RASGRP3: variants seen among roughly 807,000 people sequenced by gnomAD.
RASGRP3 encodes ras guanyl-releasing protein 3.
In RASGRP3, 54 loss-of-function variants were observed where a neutral mutation model predicts 82.7. That is an observed-to-expected ratio of 0.65 (90% CI 0.52 to 0.82). RASGRP3 has a LOEUF of 0.82. Ranked by LOEUF, RASGRP3 falls within the 40% of genes least tolerant of loss-of-function variation. The pLI, the probability that RASGRP3 is intolerant of heterozygous loss-of-function variation, is 0.00. For synonymous variants in RASGRP3, 309 were observed against 300.5 expected, an observed-to-expected ratio of 1.03 and a Z score of -0.29; for missense variants, 861 against 828.9, an observed-to-expected ratio of 1.04 and a Z score of -0.48.
Position 33,520,679 on chromosome 2 carries a change from C to T in RASGRP3, c.363C>T (p.Ser121=), listed in dbSNP as rs753044236. The change falls in exon 6 of 18, where the codon TCC becomes TCT. Residue 121 remains serine (S), a synonymous_variant. Coordinates refer to ENST00000403687, the MANE Select transcript of RASGRP3 (RefSeq NM_001139488.2). The part of the protein sequence containing the change: ...YEKHVSLIDI[S]SIPSYDWMRR... ...AACACGTCAGCCTCATCGACATATC[C>T]AGCATGTAAGAGTGGCACCGACGTC... The T allele has an allele frequency of 9.7e-5, 156 of 1,613,782 alleles. No individual in the cohort carries two copies. Among genetic ancestry groups the T allele is most frequent in the South Asian group, 2.0e-4 (18 of 91,070 alleles).
intron 7 of RASGRP3, among the ~76,000 whole-genome samples, chr2:33,523,534 C>T (rs1182021441): frequency 6.6e-6 from 1 of 151,754 alleles, no homozygotes; most frequent in Non-Finnish European, 1.5e-5. Context: ...AGAGTGTTCC[C>T]AGGAACCAGC....
intron 13 of RASGRP3, among the ~76,000 whole-genome samples, chr2:33,544,704 G>A (rs910152058): frequency 5.3e-5 from 8 of 152,106 alleles, no homozygotes; most frequent in East Asian, 1.9e-4. Context: ...CTTAAAAAAC[G>A]AAATCTGGAG....
intron 2 of RASGRP3, among the ~76,000 whole-genome samples, chr2:33,459,724 G>A (rs1379556104): frequency 6.6e-6 from 1 of 152,132 alleles, no homozygotes; most frequent in Non-Finnish European, 1.5e-5. Flanking sequence ...GGGTTGATCA[G>A]TATAAATGCA....
intron 10 of RASGRP3, among the ~76,000 whole-genome samples, chr2:33,527,650 T>G (rs1454815443): frequency 2.0e-5 from 3 of 152,236 alleles, no homozygotes; most frequent in African/African-American, 7.2e-5. Context: ...CTCTGCCATA[T>G]GACTCCACTT....
At chr2:33,447,105 C>CAAAAAAAAA (rs1161927671) in intron 1 of RASGRP3, among the ~76,000 whole-genome samples, 1 of 59,290 alleles carries the variant, frequency 1.7e-5, no homozygotes, top group Non-Finnish European at 3.9e-5. Context: ...GACTCCGTCT[C>CAAAAAAAAA]AAAAAAAAAA....
At chr2:33,498,857 A>G (rs564579262) in intron 1 of RASGRP3, among the ~76,000 whole-genome samples, 1 of 152,242 alleles carries the variant, frequency 6.6e-6, no homozygotes, top group Admixed American at 6.5e-5. Context: ...CGAGATCACA[A>G]TCTGTGCCTG....
intron 10 of RASGRP3, 117 bp downstream of exon 10, chr2:33,527,529 A>G (rs771325760): frequency 1.1e-5 from 12 of 1,089,400 alleles, no homozygotes; most frequent in Admixed American, 2.7e-5. Flanking sequence ...TTCAGAGTCA[A>G]TAGATGAGAG....
At chr2:33,502,433 C>T (rs1669957918) in intron 1 of RASGRP3, among the ~76,000 whole-genome samples, 1 of 151,988 alleles carries the variant, frequency 6.6e-6, no homozygotes, top group Admixed American at 6.6e-5. Flanking sequence ...CCTCCTTTTA[C>T]AACCTACCAA....
At chr2:33,536,969 C>T (rs1192350553) in intron 11 of RASGRP3, among the ~76,000 whole-genome samples, 11 of 152,146 alleles carry the variant, frequency 7.2e-5, no homozygotes, top group African/African-American at 2.4e-4. Context: ...TCTTAACCAG[C>T]TCAGTGGAGA....
chr2:33,527,116 T>A (rs746093657), intron 9 of RASGRP3, 21 bp from the exon 10 acceptor site: 2 of 1,611,940 alleles, frequency 1.2e-6, no homozygotes, highest in East Asian at 4.5e-5. Flanking sequence ...TTGAAAATTC[T>A]ACTTTTCCAT....
At chr2:33,465,906 C>T (rs1196247358) in intron 2 of RASGRP3, among the ~76,000 whole-genome samples, 2 of 149,418 alleles carry the variant, frequency 1.3e-5, no homozygotes, top group East Asian at 3.9e-4. Context: ...GCCTGGATAA[C>T]AGCACATTTG....
chr2:33,531,785 T>A (rs374693259), intron 10 of RASGRP3: 1 of 152,246 alleles, frequency 6.6e-6, no homozygotes, highest in Admixed American at 6.5e-5. Flanking sequence ...TCTGGTTCTC[T>A]TGAGAGAGCA....
intron 1 of RASGRP3, among the ~76,000 whole-genome samples, chr2:33,484,239 T>C (rs1367408775): frequency 6.6e-6 from 1 of 152,196 alleles, no homozygotes; most frequent in East Asian, 1.9e-4. Flanking sequence ...AATGTCCTTT[T>C]CTGGCCACAC....
chr2:33,521,140 A>G (rs563349666), intron 6 of RASGRP3, among the ~76,000 whole-genome samples: 5 of 152,282 alleles, frequency 3.3e-5, no homozygotes, highest in South Asian at 2.1e-4. Context: ...AAGATCCCCA[A>G]GTGATTCACA....
chr2:33,515,040 C>A lies in RASGRP3; in HGVS notation c.-97C>A. On this transcript the variant is annotated 5_prime_UTR_variant, in exon 3 of 18. Transcript: ENST00000403687. ...TCTTGAAGTACAACTAAGGACAGGT[C>A]ACCACTAGGCACTAACATCGCTGAC... 1 of 1,115,382 alleles carries A rather than the reference C, an allele frequency of 9.0e-7. No individual in the cohort carries two copies. Among genetic ancestry groups the A allele is most frequent in the South Asian group, 1.3e-5 (1 of 79,992 alleles). The allele number at this position is 1,115,382 out of a possible 1,614,324, so 69.1% of individuals were successfully genotyped here. A position where few individuals can be genotyped will look rare whatever the true frequency, so the allele number is the denominator to read the frequency against.
At chr2:33,530,679 C>T (rs957699301) in intron 10 of RASGRP3, among the ~76,000 whole-genome samples, 4 of 152,128 alleles carry the variant, frequency 2.6e-5, no homozygotes, top group African/African-American at 9.7e-5. Flanking sequence ...TAATACTGCT[C>T]TCTCCTCCTC....
chr2:33,549,860 A>G, intron 14 of RASGRP3, 109 bp downstream of exon 14: 3 of 1,292,634 alleles, frequency 2.3e-6, no homozygotes. Flanking sequence ...TTTGAATCAG[A>G]AGTAAAATGT....
chr2:33,493,651 TCA>T (rs1669054033), intron 1 of RASGRP3, among the ~76,000 whole-genome samples: 1 of 151,852 alleles, frequency 6.6e-6, no homozygotes, highest in Non-Finnish European at 1.5e-5. Flanking sequence ...TTCACCCATC[TCA>T]CAGACATCCA....
At chr2:33,527,549 T>C (rs1293143608) in intron 10 of RASGRP3, 137 bp downstream of exon 10, 11 of 939,038 alleles carry the variant, frequency 1.2e-5, no homozygotes, top group African/African-American at 3.3e-5. Context: ...GGAAATCTCA[T>C]AGAACAAGGG....
Sources: allele counts gnomAD v4.1 joint callset (sites outside exome capture counted in the v4.1 genomes callset), GRCh38; gene constraint gnomAD v4.1.1; transcripts MANE v1.5; gene names NCBI Gene and HGNC (gene_info 2026-07-23, HGNC 2026-07-21).